Variants in PPFIBP1 observed in about 807,000 individuals in gnomAD.
PPFIBP1 encodes liprin-beta-1.
In PPFIBP1, 112 loss-of-function variants were observed where a neutral mutation model predicts 137.8. That is an observed-to-expected ratio of 0.81 (90% CI 0.70 to 0.95). PPFIBP1 has a LOEUF of 0.95. PPFIBP1 is among the 40% of genes least tolerant of loss of function. PPFIBP1 has a pLI of 0.00. For missense variants in PPFIBP1, 1,083 were observed against 1,196.6 expected, an observed-to-expected ratio of 0.91 and a Z score of 1.40; for synonymous variants, 378 against 417.3, an observed-to-expected ratio of 0.91 and a Z score of 1.15.
At chr12:27,588,332 T>C (rs192064415) in intron 2 of PPFIBP1, among the ~76,000 whole-genome samples, 2 of 152,346 alleles carry the variant, frequency 1.3e-5, no homozygotes, top group Admixed American at 6.5e-5. Flanking sequence ...TTTTAGCATC[T>C]ATTTTATGAT....
Position 27,672,502 on chromosome 12 carries a change from A to ATTTATTCAGTAATTTAACAGCCTCGGTC in PPFIBP1, c.1319+19_1319+20insTTTATTCAGTAATTTAACAGCCTCGGTC. On this transcript the variant is annotated intron_variant, in intron 15 of 29. Coordinates refer to ENST00000228425, the MANE Select transcript of PPFIBP1 (RefSeq NM_003622.4). ...AACTTTTGTAAGTTACATTTTATTGAATGTGAAAAATGTGATTGAGGCTAG... is the reference window on the plus strand; with the variant it reads ...AACTTTTGTAAGTTACATTTTATTGATTTATTCAGTAATTTAACAGCCTCGGTCATGTGAAAAATGTGATTGAGGCTAG... The ATTTATTCAGTAATTTAACAGCCTCGGTC allele has an allele frequency of 6.5e-7, 1 of 1,540,704 alleles. No homozygotes were observed. Among genetic ancestry groups the ATTTATTCAGTAATTTAACAGCCTCGGTC allele is most frequent in the Non-Finnish European group, 9.0e-7 (1 of 1,116,112 alleles).
chr12:27,538,819 A>C (rs1347257217), intron 1 of PPFIBP1, among the ~76,000 whole-genome samples: 1 of 152,244 alleles, frequency 6.6e-6, no homozygotes, highest in Non-Finnish European at 1.5e-5. Context: ...CTCTGGAGTT[A>C]GATGGACCTC....
intron 25 of PPFIBP1, 29 bp from the exon 26 acceptor site, chr12:27,688,252 GAAAATGCAATTTAATAT>G (rs1471658329): frequency 3.1e-6 from 5 of 1,599,628 alleles, no homozygotes; most frequent in African/African-American, 1.3e-5. Context: ...TTTTTAGACA[GAAAATGCAATTTAATAT>G]TTAGGATCCT....
chr12:27,525,513 GAA>G lies in PPFIBP1; in HGVS notation c.-124+1170_-124+1171del, dbSNP rs56656340. Among the ~76,000 whole-genome samples, 342 of 93,744 alleles carry G rather than the reference GAA, an allele frequency of 3.6e-3. 2 individuals carry two copies. Among genetic ancestry groups the G allele is most frequent in the Middle Eastern group, 0.016 (3 of 188 alleles). 61.5% of individuals were successfully genotyped at this position (93,744 alleles called of 152,430 possible). On this transcript the variant is annotated intron_variant, in intron 1 of 29. Transcript: ENST00000228425. ...TAAGGCTCTCTTTTGGAGCAGGAAG[GAA>G]AAAAAAAAAAAAAAAAAAAAAGTAA...
At chr12:27,613,670 T>A (rs1592856916) in intron 2 of PPFIBP1, among the ~76,000 whole-genome samples, 1 of 142,548 alleles carries the variant, frequency 7.0e-6, no homozygotes, top group East Asian at 2.1e-4. Context: ...GCCACTGCAC[T>A]CCAGCCTGGG....
Position 27,589,394 on chromosome 12 carries a change from C to T in PPFIBP1, c.-36+11155C>T, listed in dbSNP as rs189288728. 5.1e-3 allele frequency among the ~76,000 whole-genome samples: 782 copies of T among 152,320 alleles called. 3 individuals carry two copies. The highest frequency in any genetic ancestry group is 0.014 in the Middle Eastern group (4 of 294). ...TCCCAGGCTCAAGCGATCCTTGCGC[C>T]TCGGCCTTCCAAAGTGCTGAGGTTA... is the stretch of plus-strand genomic sequence containing the variant. On this transcript the variant is annotated intron_variant, in intron 2 of 29. Coordinates refer to ENST00000228425, the MANE Select transcript of PPFIBP1 (RefSeq NM_003622.4).
At chr12:27,558,623 A>ACACG (rs2048905778) in intron 1 of PPFIBP1, among the ~76,000 whole-genome samples, 1 of 151,598 alleles carries the variant, frequency 6.6e-6, no homozygotes. Flanking sequence ...ACACACACAC[A>ACACG]CAAACATACA....
chr12:27,677,178 T>G, intron 19 of PPFIBP1, 82 bp downstream of exon 19: 2 of 1,523,780 alleles, frequency 1.3e-6, no homozygotes, highest in Non-Finnish European at 1.8e-6. Context: ...CTGTGATCTC[T>G]AGAAAGCGAT....
intron 1 of PPFIBP1, among the ~76,000 whole-genome samples, chr12:27,525,866 C>T (rs1201305386): frequency 6.6e-6 from 1 of 152,100 alleles, no homozygotes; most frequent in South Asian, 2.1e-4. Flanking sequence ...ATACCTGGGT[C>T]TGTATTGTTG....
chr12:27,541,500 C>T (rs373392745), intron 1 of PPFIBP1, among the ~76,000 whole-genome samples: 9 of 152,136 alleles, frequency 5.9e-5, no homozygotes, highest in East Asian at 5.8e-4. Context: ...AGAAGGCAGG[C>T]GGAGCAGAGA....
chr12:27,694,641 G>A lies in PPFIBP1; in HGVS notation c.*1759G>A, dbSNP rs909952326. 2 of 152,158 alleles carry A rather than the reference G, an allele frequency of 1.3e-5. No homozygotes were observed. Among genetic ancestry groups the A allele is most frequent in the African/African-American group, 4.8e-5 (2 of 41,442 alleles). The allele number at this position is 152,158 out of a possible 1,614,324, so 9.4% of individuals were successfully genotyped here. A position where few individuals can be genotyped will look rare whatever the true frequency, so the allele number is the denominator to read the frequency against. ...GTAGTTCATGTTTTTCTGTAGCACT[G>A]GGCCCAAATATTCTTTGTAAAGAAA... On this transcript the variant is annotated 3_prime_UTR_variant, in exon 30 of 30. Transcript: ENST00000228425.
At chr12:27,585,501 T>G (rs11049056) in intron 2 of PPFIBP1, among the ~76,000 whole-genome samples, 45,383 of 152,192 alleles carry the variant, frequency 0.3, 7,964 homozygotes, top group South Asian at 0.46. Flanking sequence ...TTCCTGCAGA[T>G]TAACTGTTCA....
chr12:27,618,643 A>T (rs1267786359), intron 2 of PPFIBP1, among the ~76,000 whole-genome samples: 1 of 152,118 alleles, frequency 6.6e-6, no homozygotes, highest in East Asian at 1.9e-4. Flanking sequence ...GACTGAACCA[A>T]TGTAGATCTT....
intron 2 of PPFIBP1, among the ~76,000 whole-genome samples, chr12:27,607,872 G>T (rs1233456879): frequency 6.6e-6 from 1 of 152,046 alleles, no homozygotes; most frequent in Non-Finnish European, 1.5e-5. Flanking sequence ...CTGGGGGTGG[G>T]GACAGGAATG....
chr12:27,601,605 T>C (rs1427779229), intron 2 of PPFIBP1, among the ~76,000 whole-genome samples: 1 of 152,188 alleles, frequency 6.6e-6, no homozygotes, highest in African/African-American at 2.4e-5. Flanking sequence ...AGTTGTGCAA[T>C]TCAGAGGACC....
intron 1 of PPFIBP1, among the ~76,000 whole-genome samples, chr12:27,528,596 A>G (rs1275564252): frequency 1.3e-5 from 2 of 152,006 alleles, no homozygotes; most frequent in African/African-American, 2.4e-5. Context: ...TTTCTTTTAC[A>G]CCCTTCATTT....
intron 2 of PPFIBP1, among the ~76,000 whole-genome samples, chr12:27,585,403 C>G (rs2051618432): frequency 6.6e-6 from 1 of 152,140 alleles, no homozygotes; most frequent in South Asian, 2.1e-4. Flanking sequence ...TATAAATATC[C>G]AGGGATGAGA....
intron 5 of PPFIBP1, 74 bp downstream of exon 5, chr12:27,646,222 A>T: frequency 8.5e-7 from 1 of 1,179,580 alleles, no homozygotes; most frequent in Non-Finnish European, 1.2e-6. Context: ...TGGCAAATTC[A>T]GATTGCTTGC....
At chr12:27,638,860 G>T (rs1029850401) in intron 4 of PPFIBP1, among the ~76,000 whole-genome samples, 4 of 151,820 alleles carry the variant, frequency 2.6e-5, no homozygotes, top group Non-Finnish European at 5.9e-5. Context: ...AATAATAACA[G>T]ACATATAATT....
Sources: allele counts gnomAD v4.1 joint callset (sites outside exome capture counted in the v4.1 genomes callset), GRCh38; gene constraint gnomAD v4.1.1; transcripts MANE v1.5; gene names NCBI Gene and HGNC (gene_info 2026-07-23, HGNC 2026-07-21).